Variants in ADGRB3 observed in about 807,000 individuals in gnomAD.
ADGRB3 encodes the protein brain-specific angiogenesis inhibitor 3.
Under a neutral mutation model 193.4 loss-of-function variants are expected in ADGRB3, and 37 were observed. The ratio of observed to expected loss-of-function variants is 0.19; its 90% CI spans 0.15 to 0.25. ADGRB3 has a LOEUF of 0.25. Ranked by LOEUF, ADGRB3 falls within the 10% of genes least tolerant of loss-of-function variation. The pLI, the probability that ADGRB3 is intolerant of heterozygous loss-of-function variation, is 1.00. For synonymous variants in ADGRB3, 690 were observed against 644.2 expected (o/e 1.07, Z -1.08); for missense variants, 1,637 against 1,852.9 (o/e 0.88, Z 2.14).
At chr6:69,207,564 T>C (rs566869441) in intron 17 of ADGRB3, among the ~76,000 whole-genome samples, 7 of 152,290 alleles carry the variant, frequency 4.6e-5, no homozygotes, top group Admixed American at 4.6e-4. Context: ...GTGAATCCTG[T>C]CTATAAGAGA....
chr6:68,674,072 G>A (rs1769026867), intron 3 of ADGRB3, among the ~76,000 whole-genome samples: 1 of 152,064 alleles, frequency 6.6e-6, no homozygotes, highest in Non-Finnish European at 1.5e-5. Context: ...GAAGTTCCCT[G>A]GAAAGCATCT....
At chr6:68,723,982 A>G (rs1562006355) in intron 3 of ADGRB3, among the ~76,000 whole-genome samples, 1 of 151,722 alleles carries the variant, frequency 6.6e-6, no homozygotes, top group Admixed American at 6.6e-5. Context: ...TCCACATCAA[A>G]GAAATATACA....
chr6:69,158,362 G>T (rs1413675214), intron 17 of ADGRB3, among the ~76,000 whole-genome samples: 5 of 150,134 alleles, frequency 3.3e-5, no homozygotes, highest in Non-Finnish European at 7.4e-5. Context: ...TATAACCTAA[G>T]ATGATTAAAC....
intron 29 of ADGRB3, among the ~76,000 whole-genome samples, chr6:69,372,156 T>C (rs1020183981): frequency 6.6e-6 from 1 of 152,082 alleles, no homozygotes; most frequent in Non-Finnish European, 1.5e-5. Context: ...AAATGAGAAA[T>C]ATTCTGTATT....
chr6:68,705,192 A>G (rs1195197995), intron 3 of ADGRB3, among the ~76,000 whole-genome samples: 2 of 152,328 alleles, frequency 1.3e-5, no homozygotes, highest in East Asian at 3.9e-4. Flanking sequence ...TAGCTATGTC[A>G]TATTTTCAAA....
chr6:69,386,644 G>GC, intron 31 of ADGRB3, among the ~76,000 whole-genome samples: 1 of 152,038 alleles, frequency 6.6e-6, no homozygotes, highest in South Asian at 2.1e-4. Flanking sequence ...TCTCTTTTAT[G>GC]CCAACTAAAA....
At chr6:68,912,550 G>T (rs1285980228) in intron 3 of ADGRB3, among the ~76,000 whole-genome samples, 1 of 151,942 alleles carries the variant, frequency 6.6e-6, no homozygotes. Context: ...CCCAGAGTGT[G>T]ATGCTCCCCT....
At chr6:69,011,292 G>A (rs1471090330) in intron 11 of ADGRB3, among the ~76,000 whole-genome samples, 3 of 151,860 alleles carry the variant, frequency 2.0e-5, no homozygotes, top group Non-Finnish European at 2.9e-5. Context: ...ATATTATGCA[G>A]CCATTAAAAA....
chr6:69,222,197 G>A (rs1239535061), intron 17 of ADGRB3, among the ~76,000 whole-genome samples: 1 of 152,026 alleles, frequency 6.6e-6, no homozygotes, highest in East Asian at 1.9e-4. Context: ...CCTCTGACAT[G>A]GCTTTCTTGT....
chr6:68,809,306 G>C (rs1463689755), intron 3 of ADGRB3, among the ~76,000 whole-genome samples: 1 of 152,098 alleles, frequency 6.6e-6, no homozygotes, highest in Non-Finnish European at 1.5e-5. Flanking sequence ...AATAATTAAG[G>C]TGCATAGGTA....
At chr6:68,933,207 ATTTATAAACATGTTTAG>A (rs1767391386) in intron 4 of ADGRB3, among the ~76,000 whole-genome samples, 4 of 152,090 alleles carry the variant, frequency 2.6e-5, no homozygotes, top group Admixed American at 2.6e-4. Context: ...TCATCAATTA[ATTTATAAACATGTTTAG>A]AAAAGCAGTC....
Position 68,785,007 on chromosome 6 carries a change from A to G in ADGRB3, c.758-145552A>G, listed in dbSNP as rs573315066. Among the ~76,000 whole-genome samples, 12 of 152,266 alleles carry G rather than the reference A, an allele frequency of 7.9e-5. No individual in the cohort carries two copies. The South Asian group carries it at 2.1e-3, about 26-fold the overall frequency. ...TAAAAACAAGTAATGGCTGAATTTAATTATGGATAATAACCATATGAGAAA... is the reference window on the plus strand; with the variant it reads ...TAAAAACAAGTAATGGCTGAATTTAGTTATGGATAATAACCATATGAGAAA... On this transcript the variant is annotated intron_variant, in intron 3 of 31. Coordinates refer to ENST00000370598, the MANE Select transcript of ADGRB3 (RefSeq NM_001704.3).
chr6:69,379,772 T>A (rs1447876159), intron 30 of ADGRB3, among the ~76,000 whole-genome samples: 1 of 152,002 alleles, frequency 6.6e-6, no homozygotes, highest in African/African-American at 2.4e-5. Flanking sequence ...TATGGTTATT[T>A]CTGGCAGTGC....
At chr6:68,700,586 T>G (rs1045334249) in intron 3 of ADGRB3, among the ~76,000 whole-genome samples, 2 of 151,962 alleles carry the variant, frequency 1.3e-5, no homozygotes, top group Non-Finnish European at 2.9e-5. Flanking sequence ...ATTAAACAAT[T>G]TCAGTATAGA....
At chr6:68,650,020 A>G (rs957518605) in intron 3 of ADGRB3, among the ~76,000 whole-genome samples, 1 of 152,176 alleles carries the variant, frequency 6.6e-6, no homozygotes, top group Admixed American at 6.5e-5. Context: ...CTTGCTTCTC[A>G]TAATACCTTG....
intron 4 of ADGRB3, among the ~76,000 whole-genome samples, chr6:68,931,105 A>T (rs1767324801): frequency 6.6e-6 from 1 of 151,986 alleles, no homozygotes. Flanking sequence ...ATTATTGTTA[A>T]AATGCACAGA....
At chr6:69,065,330 C>T (rs1316299503) in intron 16 of ADGRB3, among the ~76,000 whole-genome samples, 2 of 152,130 alleles carry the variant, frequency 1.3e-5, no homozygotes, top group East Asian at 3.9e-4. Flanking sequence ...CATCGTGCCT[C>T]TTCTCAGAGG....
chr6:69,254,693 ATTTCTTTTTTT>A (rs1007134200), intron 20 of ADGRB3, among the ~76,000 whole-genome samples: 18 of 149,252 alleles, frequency 1.2e-4, no homozygotes, highest in African/African-American at 3.9e-4. Context: ...ATGCCTTTGT[ATTTCTTTTTTT>A]TTTCTTTTTT....
chr6:68,862,320 G>C (rs943937647), intron 3 of ADGRB3, among the ~76,000 whole-genome samples: 4 of 152,110 alleles, frequency 2.6e-5, no homozygotes, highest in Non-Finnish European at 5.9e-5. Flanking sequence ...TGTCTATGGG[G>C]AGATGTCTCT....
Sources: gnomAD v4.1 joint callset for allele counts (sites outside exome capture counted in the v4.1 genomes callset) on GRCh38, gnomAD v4.1.1 for gene constraint, MANE v1.5 for transcripts, NCBI Gene and HGNC (gene_info 2026-07-23, HGNC 2026-07-21) for gene names.